The following CADM2 variants were observed in gnomAD, a reference collection of about 807,000 sequenced individuals.
CADM2 encodes the protein immunoglobulin superfamily member 4D.
A neutral mutation model predicts 49.8 loss-of-function variants in CADM2; 12 were observed. The observed-to-expected ratio is 0.24, with a 90% CI of 0.15 to 0.39. The LOEUF is 0.39. Ranked by LOEUF, CADM2 falls within the 10% of genes least tolerant of loss-of-function variation. The pLI is 1.00. For synonymous variants in CADM2, 214 were observed against 175.4 expected (o/e 1.22, Z -1.74); for missense variants, 378 against 492.3 (o/e 0.77, Z 2.20).
chr3:85,395,019 G>GT (rs1277209247), intron 1 of CADM2, among the ~76,000 whole-genome samples: 2 of 151,908 alleles, frequency 1.3e-5, no homozygotes, highest in Non-Finnish European at 2.9e-5. Flanking sequence ...AAAATAAGCA[G>GT]TTTTTTGTAA....
intron 1 of CADM2, among the ~76,000 whole-genome samples, chr3:85,428,012 A>G (rs896364714): frequency 2.0e-5 from 3 of 151,922 alleles, no homozygotes; most frequent in South Asian, 2.1e-4. Flanking sequence ...TATTTCAACC[A>G]TAGTTAGGTA....
At chr3:85,988,162 T>C (rs148662974) in intron 8 of CADM2, among the ~76,000 whole-genome samples, 1,630 of 152,338 alleles carry the variant, frequency 0.011, 33 homozygotes, top group African/African-American at 0.035. Context: ...CTATTAACTT[T>C]CGGGAGTTCA....
chr3:85,220,961 T>G (rs1025270382), intron 1 of CADM2, among the ~76,000 whole-genome samples: 1 of 152,192 alleles, frequency 6.6e-6, no homozygotes, highest in African/African-American at 2.4e-5. Context: ...TATAGCGGTC[T>G]GAAATTAGAA....
At chr3:85,991,276 A>T (rs1232782649) in intron 8 of CADM2, among the ~76,000 whole-genome samples, 1 of 152,144 alleles carries the variant, frequency 6.6e-6, no homozygotes, top group South Asian at 2.1e-4. Context: ...TTCCGTGATG[A>T]CTTCCAAATA....
rs556810314 is a variant in CADM2 at position 85,777,589 on chromosome 3, C to A, written c.89-24458C>A. Among the ~76,000 whole-genome samples, 74 of 152,230 alleles carry A rather than the reference C, an allele frequency of 4.9e-4. 2 individuals carry two copies. The East Asian group carries it at 0.014, about 28-fold the overall frequency. The stretch of plus-strand genomic sequence containing the variant: ...TAAACTCAGGTTTTCATGGTTGGTT[C>A]TTCTGCTCTCATGTTTTCCTATATT... On this transcript the variant is annotated intron_variant, in intron 2 of 9. Transcript: ENST00000383699.
chr3:85,810,619 A>AACC (rs1253085187), intron 3 of CADM2, among the ~76,000 whole-genome samples: 2 of 137,998 alleles, frequency 1.4e-5, no homozygotes, highest in Non-Finnish European at 3.0e-5. Flanking sequence ...GGCTCACTGC[A>AACC]ACCTCTGCTT....
chr3:85,033,445 A>G (rs894905556), intron 1 of CADM2, among the ~76,000 whole-genome samples: 1 of 152,204 alleles, frequency 6.6e-6, no homozygotes, highest in Non-Finnish European at 1.5e-5. Flanking sequence ...GTGTGTTGAA[A>G]TATACCCAAG....
intron 1 of CADM2, among the ~76,000 whole-genome samples, chr3:84,961,963 C>G (rs1427220037): frequency 6.6e-6 from 1 of 151,988 alleles, no homozygotes; most frequent in Admixed American, 6.6e-5. Context: ...TTTCTCTACC[C>G]GGAGAGATTC....
intron 1 of CADM2, among the ~76,000 whole-genome samples, chr3:85,445,327 C>T (rs2037396055): frequency 6.6e-6 from 1 of 152,054 alleles, no homozygotes; most frequent in African/African-American, 2.4e-5. Context: ...AGTACATAGT[C>T]ATGAACGTGT....
In CADM2 at chr3:85,692,439, A is replaced by G. The variant is rs1308807346; in HGVS notation, c.62-34083A>G. On this transcript the variant is annotated intron_variant, in intron 1 of 9. Coordinates refer to ENST00000383699, the MANE Select transcript of CADM2 (RefSeq NM_001167675.2). ...AATAAAAGAAGTTGTTTAAGCCACTACAGAAAAGAAAGAAAGTCATGTAGC... is the reference window on the plus strand; with the variant it reads ...AATAAAAGAAGTTGTTTAAGCCACTGCAGAAAAGAAAGAAAGTCATGTAGC... Among the ~76,000 whole-genome samples the G allele has an allele frequency of 2.0e-5, 3 of 152,218 alleles. No individual in the cohort carries two copies. In the East Asian group the frequency reaches 5.8e-4, roughly 29 times the overall value.
At chr3:85,168,851 C>T (rs994978469) in intron 1 of CADM2, among the ~76,000 whole-genome samples, 3 of 152,060 alleles carry the variant, frequency 2.0e-5, no homozygotes, top group Non-Finnish European at 4.4e-5. Context: ...TCATATTTGT[C>T]TATTTTTTGG....
intron 3 of CADM2, among the ~76,000 whole-genome samples, chr3:85,856,379 T>C (rs1035574011): frequency 6.6e-6 from 1 of 152,212 alleles, no homozygotes; most frequent in Non-Finnish European, 1.5e-5. Context: ...TACTTTTTCA[T>C]AACGGATCTA....
chr3:85,517,249 C>A (rs2060926545), intron 1 of CADM2, among the ~76,000 whole-genome samples: 1 of 151,706 alleles, frequency 6.6e-6, no homozygotes, highest in African/African-American at 2.4e-5. Flanking sequence ...TCAAGAAAAG[C>A]TTACTGTAAA....
intron 1 of CADM2, among the ~76,000 whole-genome samples, chr3:85,578,021 TTC>T (rs2062689964): frequency 1.3e-5 from 2 of 151,184 alleles, no homozygotes; most frequent in Non-Finnish European, 2.9e-5. Flanking sequence ...CCTTCCTTCC[TTC>T]CTTCCTTTCT....
intron 1 of CADM2, among the ~76,000 whole-genome samples, chr3:85,475,643 T>C (rs1426626306): frequency 6.6e-6 from 1 of 151,916 alleles, no homozygotes; most frequent in Non-Finnish European, 1.5e-5. Context: ...ATTACTTGAT[T>C]AAAGACTAAA....
chr3:85,565,398 G>A (rs780096598), intron 1 of CADM2, among the ~76,000 whole-genome samples: 2 of 151,960 alleles, frequency 1.3e-5, no homozygotes, highest in Non-Finnish European at 2.9e-5. Context: ...GAAGAAAACG[G>A]CAGTGTGACA....
intron 1 of CADM2, among the ~76,000 whole-genome samples, chr3:85,321,890 T>G (rs904800930): frequency 1.3e-5 from 2 of 152,350 alleles, no homozygotes; most frequent in East Asian, 3.9e-4. Flanking sequence ...ATTTTTATGT[T>G]TATAGTATGG....
intron 1 of CADM2, among the ~76,000 whole-genome samples, chr3:85,575,411 C>T (rs6766690): frequency 0.51 from 78,041 of 151,950 alleles, 23,065 homozygotes; most frequent in East Asian, 0.85. Context: ...ATTAGCCTTG[C>T]GTGGTGGCGG....
In CADM2 at chr3:85,722,641, A is replaced by G. The variant is rs2067549510; in HGVS notation, c.62-3881A>G. Among the ~76,000 whole-genome samples the G allele has an allele frequency of 3.3e-5, 5 of 152,186 alleles. No individual in the cohort carries two copies. The South Asian group carries it at 1.0e-3, about 31-fold the overall frequency. On this transcript the variant is annotated intron_variant, in intron 1 of 9. Coordinates refer to ENST00000383699, the MANE Select transcript of CADM2 (RefSeq NM_001167675.2). ...CACCAGTAAATCCAGTAAGCTCTAT[A>G]TTACCCATATATTGCAAATAATGTT...
Sources: allele counts gnomAD v4.1 joint callset (sites outside exome capture counted in the v4.1 genomes callset), GRCh38; gene constraint gnomAD v4.1.1; transcripts MANE v1.5; gene names NCBI Gene and HGNC (gene_info 2026-07-23, HGNC 2026-07-21).